Variants in STT3B observed in about 807,000 individuals in gnomAD.
STT3B encodes STT3 oligosaccharyltransferase complex catalytic subunit B, also known as dolichyl-diphosphooligosaccharide--protein glycosyltransferase subunit STT3B.
STT3B carries 29 observed loss-of-function variants against 96.8 expected under a neutral mutation model. The observed-to-expected ratio is 0.30, with a 90% CI of 0.22 to 0.41. The LOEUF is 0.41. STT3B is among the 10% of genes least tolerant of loss of function. The probability of loss-of-function intolerance (pLI) is 1.00; values close to 1 mark genes in which losing one functional copy is unlikely to be tolerated. For synonymous variants in STT3B, 367 were observed against 360.0 expected (o/e 1.02, Z -0.22); for missense variants, 640 against 1,022.3 (o/e 0.63, Z 5.10).
At chr3:31,604,676 A>G (rs1300238995) in intron 5 of STT3B, among the ~76,000 whole-genome samples, 2 of 152,250 alleles carry the variant, frequency 1.3e-5, no homozygotes, top group Non-Finnish European at 2.9e-5. Flanking sequence ...TATGATCAAA[A>G]TGGAAATAGG....
At chr3:31,605,799 G>T (rs1699038159) in intron 5 of STT3B, among the ~76,000 whole-genome samples, 1 of 152,176 alleles carries the variant, frequency 6.6e-6, no homozygotes, top group Admixed American at 6.5e-5. Flanking sequence ...TTTGGAACTG[G>T]GTAACAGACA....
intron 1 of STT3B, among the ~76,000 whole-genome samples, chr3:31,542,444 A>G (rs1458437443): frequency 1.3e-5 from 2 of 152,032 alleles, no homozygotes; most frequent in Non-Finnish European, 2.9e-5. Context: ...GCAATTTTGC[A>G]TATATTGCAT....
chr3:31,622,413 G>A, intron 10 of STT3B, 105 bp downstream of exon 10: 1 of 1,020,664 alleles, frequency 9.8e-7, no homozygotes, highest in Non-Finnish European at 1.4e-6. Context: ...ATGATGATTT[G>A]GACAAACTGT....
At chr3:31,593,507 G>C (rs879637152) in intron 3 of STT3B, among the ~76,000 whole-genome samples, 12 of 152,046 alleles carry the variant, frequency 7.9e-5, no homozygotes, top group Admixed American at 7.9e-4. Context: ...TTGGGAAGTT[G>C]TAATTGTTTC....
At chr3:31,598,113 G>A (rs1044180701) in intron 4 of STT3B, among the ~76,000 whole-genome samples, 1 of 152,090 alleles carries the variant, frequency 6.6e-6, no homozygotes, top group East Asian at 1.9e-4. Flanking sequence ...TGGGATTACA[G>A]GTGTGAGCCA....
chr3:31,614,875 CTG>C (rs967827299), intron 5 of STT3B, among the ~76,000 whole-genome samples: 3 of 151,840 alleles, frequency 2.0e-5, no homozygotes, highest in Admixed American at 6.6e-5. Flanking sequence ...GTCTCACAAA[CTG>C]TTGTAATGAT....
chr3:31,629,215 T>C, intron 13 of STT3B, 83 bp from the exon 14 acceptor site: 2 of 791,872 alleles, frequency 2.5e-6, no homozygotes, highest in East Asian at 5.3e-5. Flanking sequence ...AAGCTTATTC[T>C]TACAGGGAAA....
Position 31,625,088 on chromosome 3 carries a change from A to G in STT3B, c.1899+3A>G. 1 of 1,610,300 alleles carries G rather than the reference A, an allele frequency of 6.2e-7. No individual in the cohort carries two copies. The highest frequency in any genetic ancestry group is 8.5e-7 in the Non-Finnish European group (1 of 1,178,242). ...GGAATAACAGCCACATAGCACTGGTAAGGATTTACTAAATACAAGGTTAAA... is the reference window on the plus strand; with the variant it reads ...GGAATAACAGCCACATAGCACTGGTGAGGATTTACTAAATACAAGGTTAAA... On this transcript the variant is annotated splice_donor_region_variant and intron_variant, in intron 12 of 15. Transcript: ENST00000295770.
chr3:31,549,007 TA>T (rs1213196454), intron 1 of STT3B, among the ~76,000 whole-genome samples: 2 of 152,302 alleles, frequency 1.3e-5, no homozygotes, highest in East Asian at 3.9e-4. Flanking sequence ...ATCTGGTATT[TA>T]CCGTATTTAA....
Position 31,532,956 on chromosome 3 carries a change from C to T in STT3B, c.-43C>T, listed in dbSNP as rs757503501. On this transcript the variant is annotated 5_prime_UTR_variant, in exon 1 of 16. Transcript: ENST00000295770. ...GCCCAGCACCCCTCGCACCAGGCGGCGGCGGCGGAGGAGGAGAGCTAGACC... is the reference window on the plus strand; with the variant it reads ...GCCCAGCACCCCTCGCACCAGGCGGTGGCGGCGGAGGAGGAGAGCTAGACC... 1.3e-6 allele frequency: 2 copies of T among 1,550,984 alleles called. No homozygotes were observed. The highest frequency in any genetic ancestry group is 1.4e-5 in the African/African-American group (1 of 70,354).
At chr3:31,617,840 T>C (rs1032836022) in intron 7 of STT3B, 100 bp from the exon 8 acceptor site, 26 of 821,724 alleles carry the variant, frequency 3.2e-5, no homozygotes, top group Non-Finnish European at 5.1e-5. Context: ...CTTTGAACAT[T>C]AGTTTGTCTA....
At chr3:31,605,100 A>G (rs1001680579) in intron 5 of STT3B, among the ~76,000 whole-genome samples, 1 of 152,218 alleles carries the variant, frequency 6.6e-6, no homozygotes, top group Non-Finnish European at 1.5e-5. Flanking sequence ...AAAGTTATGA[A>G]GGAATAGCCA....
intron 3 of STT3B, among the ~76,000 whole-genome samples, chr3:31,585,086 CAT>C (rs1210212554): frequency 6.6e-6 from 1 of 152,048 alleles, no homozygotes; most frequent in Non-Finnish European, 1.5e-5. Context: ...TTAAAAGGTA[CAT>C]GTTTTTAAAA....
intron 1 of STT3B, among the ~76,000 whole-genome samples, chr3:31,557,200 T>A (rs1697740469): frequency 6.6e-6 from 1 of 152,180 alleles, no homozygotes; most frequent in African/African-American, 2.4e-5. Flanking sequence ...GCTGTAAATA[T>A]GTGGATTTAC....
chr3:31,567,596 T>G (rs1451144818), intron 1 of STT3B, among the ~76,000 whole-genome samples: 1 of 152,218 alleles, frequency 6.6e-6, no homozygotes, highest in Non-Finnish European at 1.5e-5. Flanking sequence ...TCACTTTTAA[T>G]GAGGACTGAA....
At chr3:31,601,438 A>T (rs1051187158) in intron 5 of STT3B, among the ~76,000 whole-genome samples, 1 of 152,242 alleles carries the variant, frequency 6.6e-6, no homozygotes, top group Admixed American at 6.5e-5. Context: ...TATGTAAAAA[A>T]GCCAGACATA....
chr3:31,548,220 A>G lies in STT3B; in HGVS notation c.314+14908A>G, dbSNP rs539900339. 2.6e-4 allele frequency among the ~76,000 whole-genome samples: 40 copies of G among 152,334 alleles called. 1 individual carries two copies. The highest frequency in any genetic ancestry group is 5.9e-4 in the Admixed American group (9 of 15,306). ...TAAACTAAAGTATAACATATTTGCT[A>G]TAATAATGCTGATATAATGTTACTG... On this transcript the variant is annotated intron_variant, in intron 1 of 15. Coordinates refer to ENST00000295770, the MANE Select transcript of STT3B (RefSeq NM_178862.3).
At chr3:31,556,003 C>G (rs890843539) in intron 1 of STT3B, among the ~76,000 whole-genome samples, 3 of 152,102 alleles carry the variant, frequency 2.0e-5, no homozygotes, top group African/African-American at 7.2e-5. Context: ...TGCCTTGTAT[C>G]TAACAGTATT....
chr3:31,566,394 T>C (rs904696196), intron 1 of STT3B, among the ~76,000 whole-genome samples: 3 of 152,208 alleles, frequency 2.0e-5, no homozygotes, highest in African/African-American at 7.2e-5. Context: ...TCTAATCATA[T>C]GTGTAGTGTC....
Sources: allele counts gnomAD v4.1 joint callset (sites outside exome capture counted in the v4.1 genomes callset), GRCh38; gene constraint gnomAD v4.1.1; transcripts MANE v1.5; gene names NCBI Gene and HGNC (gene_info 2026-07-23, HGNC 2026-07-21).